PIGL: variants seen among roughly 807,000 people sequenced by gnomAD.
PIGL encodes phosphatidylinositol glycan anchor biosynthesis class L, also known as N-acetylglucosaminyl-phosphatidylinositol de-N-acetylase.
In PIGL, 22 loss-of-function variants were observed where a neutral mutation model predicts 31.1. That is an observed-to-expected ratio of 0.71 (90% CI 0.51 to 1.01). The LOEUF (loss-of-function observed/expected upper bound fraction) is 1.01, where lower values mean the gene tolerates loss of function less well. PIGL is among the 50% of genes least tolerant of loss of function. The pLI is 0.00. For missense variants in PIGL, 302 were observed against 315.9 expected, an observed-to-expected ratio of 0.96 and a Z score of 0.33; for synonymous variants, 131 against 117.4, an observed-to-expected ratio of 1.12 and a Z score of -0.75.
intron 1 of PIGL, 166 bp downstream of exon 1, chr17:16,217,627 TTA>T: frequency 1.9e-6 from 1 of 523,076 alleles, no homozygotes; most frequent in South Asian, 3.3e-5. Flanking sequence ...AGCGGCCGGC[TTA>T]CCTGGTGGGT....
chr17:16,239,294 C>T (rs1160847728), intron 2 of PIGL, among the ~76,000 whole-genome samples: 1 of 151,452 alleles, frequency 6.6e-6, no homozygotes. Flanking sequence ...CCAGCCTGGC[C>T]AACATGGTGA....
intron 2 of PIGL, among the ~76,000 whole-genome samples, chr17:16,298,314 G>A (rs2092991026): frequency 6.6e-6 from 1 of 152,178 alleles, no homozygotes; most frequent in African/African-American, 2.4e-5. Flanking sequence ...TGCCTGGTAG[G>A]GAGCAGAGCC....
chr17:16,291,282 G>A (rs1160087470), intron 2 of PIGL, among the ~76,000 whole-genome samples: 3 of 151,856 alleles, frequency 2.0e-5, no homozygotes, highest in Non-Finnish European at 4.4e-5. Context: ...TGAGGCGGGC[G>A]GATCACTTGA....
chr17:16,286,813 C>T (rs1448732823), intron 2 of PIGL, among the ~76,000 whole-genome samples: 1 of 152,100 alleles, frequency 6.6e-6, no homozygotes, highest in Non-Finnish European at 1.5e-5. Context: ...AATGAGGTGC[C>T]TCATGTGCTT....
At chr17:16,217,871 T>A in intron 1 of PIGL, 1 of 157,126 alleles carries the variant, frequency 6.4e-6, no homozygotes, top group Non-Finnish European at 1.4e-5. Flanking sequence ...TAACTTCTAA[T>A]GATAGTAAAA....
intron 2 of PIGL, among the ~76,000 whole-genome samples, chr17:16,292,089 C>T (rs1386232120): frequency 6.9e-5 from 9 of 129,950 alleles, no homozygotes; most frequent in Non-Finnish European, 9.4e-5. Context: ...GGCTGGAGTA[C>T]AGTGACATGA....
intron 2 of PIGL, among the ~76,000 whole-genome samples, chr17:16,241,875 G>A (rs1381276441): frequency 1.3e-5 from 2 of 151,992 alleles, no homozygotes; most frequent in Non-Finnish European, 2.9e-5. Flanking sequence ...TGATTGTAAA[G>A]ATTTAATCGT....
intron 2 of PIGL, among the ~76,000 whole-genome samples, chr17:16,247,236 G>T (rs1398564836): frequency 6.6e-6 from 1 of 152,134 alleles, no homozygotes; most frequent in East Asian, 1.9e-4. Flanking sequence ...TTCAGCACAT[G>T]AATTTGTTGA....
chr17:16,218,677 CTTT>C (rs34243048), intron 1 of PIGL, among the ~76,000 whole-genome samples: 1 of 127,678 alleles, frequency 7.8e-6, no homozygotes, highest in Admixed American at 8.6e-5. Context: ...CCAACTTACT[CTTT>C]TTTTTTTTTT....
chr17:16,295,668 G>T (rs1322899665), intron 2 of PIGL, among the ~76,000 whole-genome samples: 3 of 152,010 alleles, frequency 2.0e-5, no homozygotes, highest in African/African-American at 2.4e-5. Flanking sequence ...TATCAGCCAG[G>T]TGTGGTGGCT....
chr17:16,232,160 C>T (rs1364681159), intron 1 of PIGL, among the ~76,000 whole-genome samples: 5 of 152,068 alleles, frequency 3.3e-5, no homozygotes, highest in African/African-American at 4.8e-5. Context: ...CACCTGTAAA[C>T]CCAGCTACTT....
At chr17:16,291,415 G>C (rs2092959741) in intron 2 of PIGL, among the ~76,000 whole-genome samples, 1 of 150,754 alleles carries the variant, frequency 6.6e-6, no homozygotes, top group East Asian at 2.0e-4. Flanking sequence ...GCTGAAGTAG[G>C]AGAATCGCTT....
At chr17:16,245,417 A>C (rs1212170082) in intron 2 of PIGL, among the ~76,000 whole-genome samples, 3 of 151,748 alleles carry the variant, frequency 2.0e-5, no homozygotes, top group Non-Finnish European at 4.4e-5. Flanking sequence ...ATGAGCCACT[A>C]CACCCGGCCT....
intron 3 of PIGL, among the ~76,000 whole-genome samples, chr17:16,311,603 G>C (rs1357433796): frequency 1.3e-5 from 2 of 148,618 alleles, no homozygotes; most frequent in African/African-American, 5.0e-5. Context: ...AGAGGACCCT[G>C]CGGCCTTCCG....
At chr17:16,291,892 C>A (rs1383547620) in intron 2 of PIGL, among the ~76,000 whole-genome samples, 1 of 151,426 alleles carries the variant, frequency 6.6e-6, no homozygotes, top group African/African-American at 2.4e-5. Flanking sequence ...GAAAATAGGG[C>A]TGAGGCAGGA....
rs934888395 is a variant in PIGL, at chr17:16,264,803, C to T, written c.335+30733C>T. On this transcript the variant is annotated intron_variant, in intron 2 of 6. Transcript: ENST00000225609. ...CTGGGATTACAGGTGCCCACCACCA[C>T]GTCTGGCTAATGGGGGTTTCACCGT... is the stretch of plus-strand genomic sequence containing the variant. Among the ~76,000 whole-genome samples the T allele has an allele frequency of 2.0e-4, 30 of 150,176 alleles. No individual in the cohort carries two copies. The South Asian group carries it at 3.6e-3, about 18-fold the overall frequency.
At chr17:16,288,147 T>C (rs1568824748) in intron 2 of PIGL, among the ~76,000 whole-genome samples, 1 of 152,194 alleles carries the variant, frequency 6.6e-6, no homozygotes, top group Non-Finnish European at 1.5e-5. Context: ...ATGTTGGCCG[T>C]TTGCATTTCT....
chr17:16,320,463 A>G, intron 6 of PIGL, among the ~76,000 whole-genome samples: 1 of 48,242 alleles, frequency 2.1e-5, no homozygotes, highest in East Asian at 6.2e-4. Flanking sequence ...GGAGGGAAGG[A>G]GGGAAGGAAG....
At chr17:16,275,538 G>A (rs1398743182) in intron 2 of PIGL, among the ~76,000 whole-genome samples, 1 of 152,126 alleles carries the variant, frequency 6.6e-6, no homozygotes, top group Non-Finnish European at 1.5e-5. Context: ...CCCTATTCAA[G>A]ATGGAATTGC....
Sources: allele counts gnomAD v4.1 joint callset (sites outside exome capture counted in the v4.1 genomes callset), GRCh38; gene constraint gnomAD v4.1.1; transcripts MANE v1.5; gene names NCBI Gene and HGNC (gene_info 2026-07-23, HGNC 2026-07-21).